Variants in PAX1 observed in about 807,000 individuals in gnomAD.
The protein encoded by PAX1 is paired box 1.
In PAX1, 18 loss-of-function variants were observed where a neutral mutation model predicts 35.6. The ratio of observed to expected loss-of-function variants is 0.50; its 90% CI spans 0.35 to 0.75. The LOEUF is 0.75. Among genes scored for constraint, PAX1 ranks in the 30% least tolerant of loss-of-function variants. The pLI is 0.01. For synonymous variants in PAX1, 397 were observed against 305.2 expected (o/e 1.30, Z -3.14); for missense variants, 760 against 661.5 (o/e 1.15, Z -1.63).
At chr20:21,714,331 G>T in intron 4 of PAX1, 140 bp from the exon 5 acceptor site, 1 of 628,854 alleles carries the variant, frequency 1.6e-6, no homozygotes, top group South Asian at 2.0e-5. Flanking sequence ...TCTGGAGAGC[G>T]CGAGTCTCTG....
Position 21,708,579 on chromosome 20 carries a change from G to T in PAX1, c.938G>T (p.Gly313Val), listed in dbSNP as rs1192487014. Reference sequence around the variant, plus strand: ...GCAGGGGCCCTGGCTGGGAGCGAAGGCACCGCTTACTCTCCCAAGATGGAA... The same window carrying T: ...GCAGGGGCCCTGGCTGGGAGCGAAGTCACCGCTTACTCTCCCAAGATGGAA... Reference protein sequence around the residue: ...EQTGALAGSEGTAYSPKMEDW... With the variant: ...EQTGALAGSEVTAYSPKMEDW... Residue 313 changes from glycine to valine, a missense_variant, in exon 3 of 5, where the codon GGC becomes GTC. By Grantham distance (109) the Gly-to-Val change is moderately radical. Transcript: ENST00000613128. 1 of 1,613,806 alleles carries T rather than the reference G, an allele frequency of 6.2e-7. No individual in the cohort carries two copies. Among genetic ancestry groups the T allele is most frequent in the Non-Finnish European group, 8.5e-7 (1 of 1,180,038 alleles).
chr20:21,707,302 C>T (rs757834428), intron 2 of PAX1, among the ~76,000 whole-genome samples: 36 of 152,142 alleles, frequency 2.4e-4, no homozygotes, highest in Non-Finnish European at 4.6e-4. Context: ...CAATCGCCGA[C>T]CACAAATTTG....
chr20:21,709,574 TG>T lies in PAX1; in HGVS notation c.1282+133del, dbSNP rs1016383332. 4.5e-6 allele frequency: 3 copies of T among 672,580 alleles called. No homozygotes were observed. In the African/African-American group the frequency reaches 5.5e-5, roughly 12 times the overall value. 41.7% of individuals were successfully genotyped at this position (672,580 alleles called of 1,614,324 possible). On this transcript the variant is annotated intron_variant, in intron 4 of 4. Coordinates refer to ENST00000613128, the MANE Select transcript of PAX1 (RefSeq NM_001257096.2). ...GGGTCCTGGGCATGAACCCTTCTTC[TG>T]GGTTAACCTTTGAGCATGTAGCTTC...
chr20:21,709,383 C>T lies in PAX1; in HGVS notation c.1221C>T (p.Gly407=). ...CTCCTCTGGCGCCCCCCGGGGCCGG[C>T]GTAGCTGTGCATGGCGGGGAACTCG... The part of the protein sequence containing the change: ...QGPPLAPPGA[G]VAVHGGELAA... Residue 407 remains glycine (G), a synonymous_variant, in exon 4 of 5, where the codon GGC becomes GGT. Coordinates refer to ENST00000613128, the MANE Select transcript of PAX1 (RefSeq NM_001257096.2). The T allele has an allele frequency of 1.3e-6, 2 of 1,561,854 alleles. No individual in the cohort carries two copies. Among genetic ancestry groups the T allele is most frequent in the South Asian group, 1.2e-5 (1 of 86,526 alleles).
Position 21,714,649 on chromosome 20 carries a change from C to G in PAX1, c.*87C>G. The G allele has an allele frequency of 6.3e-7, 1 of 1,592,250 alleles. No individual in the cohort carries two copies. The highest frequency in any genetic ancestry group is 8.5e-7 in the Non-Finnish European group (1 of 1,172,230). ...TGCGCGGCGGCCCCGGCAATCGGCA[C>G]GGGCAGGATCGGAGGACTCGCGGAG... On this transcript the variant is annotated 3_prime_UTR_variant, in exon 5 of 5. Transcript: ENST00000613128.
intron 4 of PAX1, among the ~76,000 whole-genome samples, chr20:21,712,863 TG>T (rs901101104): frequency 9.2e-5 from 14 of 152,038 alleles, no homozygotes; most frequent in Non-Finnish European, 1.6e-4. Flanking sequence ...CCCTCAGCGG[TG>T]GTCTCAGAGT....
intron 4 of PAX1, among the ~76,000 whole-genome samples, chr20:21,713,380 TTTTG>T (rs1202574008): frequency 2.6e-4 from 36 of 135,878 alleles, no homozygotes; most frequent in South Asian, 7.6e-4. Flanking sequence ...TTTCTTTTTT[TTTTG>T]TGTGTGTGTG....
In PAX1 at chr20:21,716,108, T is replaced by C. The variant is rs1287355333; in HGVS notation, c.*1546T>C. ...AAATTATGCAGAAACCACCTTGAAATGCAGTTAATTCTGAAAAGAGTAAAA... is the reference window on the plus strand; with the variant it reads ...AAATTATGCAGAAACCACCTTGAAACGCAGTTAATTCTGAAAAGAGTAAAA... On this transcript the variant is annotated 3_prime_UTR_variant, in exon 5 of 5. Coordinates refer to ENST00000613128, the MANE Select transcript of PAX1 (RefSeq NM_001257096.2). The C allele has an allele frequency of 6.6e-6, 1 of 152,182 alleles. No individual in the cohort carries two copies. The highest frequency in any genetic ancestry group is 1.5e-5 in the Non-Finnish European group (1 of 68,048). 9.4% of individuals were successfully genotyped at this position (152,182 alleles called of 1,614,324 possible).
Position 21,706,590 on chromosome 20 carries a change from G to A in PAX1, c.439G>A (p.Val147Met). The A allele has an allele frequency of 6.2e-7, 1 of 1,612,218 alleles. No individual in the cohort carries two copies. The highest frequency in any genetic ancestry group is 8.5e-7 in the Non-Finnish European group (1 of 1,180,014). Residue 147 changes from valine to methionine, a missense_variant, in exon 2 of 5, where the codon GTG (valine) becomes ATG (methionine). Val to Met is a conservative substitution (Grantham distance 21). Transcript: ENST00000613128. The surrounding 1 kb of genome is among the most constrained non-coding windows in gnomAD (Gnocchi z 5.3). ...SRQLRVSHGCVSKILARYNET... is the reference protein window; with the variant it reads ...SRQLRVSHGCMSKILARYNET... The stretch of plus-strand genomic sequence containing the variant: ...GCAGCTCCGCGTATCCCACGGCTGC[G>A]TGAGCAAGATCCTGGCGCGCTACAA...
In PAX1 at chr20:21,714,970, T is replaced by C; in HGVS notation, c.*408T>C. 1 of 702,176 alleles carries C rather than the reference T, an allele frequency of 1.4e-6. No homozygotes were observed. Among genetic ancestry groups the C allele is most frequent in the South Asian group, 1.6e-5 (1 of 62,462 alleles). 43.5% of individuals were successfully genotyped at this position (702,176 alleles called of 1,614,324 possible). On this transcript the variant is annotated 3_prime_UTR_variant, in exon 5 of 5. Transcript: ENST00000613128. ...TCCCTCCCTTCCCTTTCTCTTTCCC[T>C]TCCTCCCTACCTTCCACCCCGGCTT...
Position 21,707,021 on chromosome 20 carries a change from C to G in PAX1, c.870C>G (p.His290Gln), listed in dbSNP as rs756655133. Residue 290 changes from histidine (H) to glutamine (Q), a missense_variant, in exon 2 of 5, where the codon CAC becomes CAG. Transcript: ENST00000613128. The part of the protein sequence containing the change: ...VSIPRSWPSA[H>Q]SVSNILGIRT... ...TCCCGCGCTCATGGCCCTCGGCACA[C>G]TCGGTCAGCAACATCCTGGGCATCC... The G allele has an allele frequency of 1.7e-5, 27 of 1,612,980 alleles. No individual in the cohort carries two copies. The highest frequency in any genetic ancestry group is 2.0e-5 in the Non-Finnish European group (24 of 1,180,028).
intron 3 of PAX1, among the ~76,000 whole-genome samples, chr20:21,708,993 T>C (rs1250701421): frequency 1.3e-5 from 2 of 152,160 alleles, no homozygotes; most frequent in African/African-American, 4.8e-5. Context: ...CCGATATGAA[T>C]ACCATGACCC....
intron 4 of PAX1, among the ~76,000 whole-genome samples, chr20:21,711,708 G>A (rs1985203222): frequency 6.6e-6 from 1 of 152,174 alleles, no homozygotes; most frequent in African/African-American, 2.4e-5. Flanking sequence ...TGTTCGAACA[G>A]GAATGTAGAA....
Position 21,714,864 on chromosome 20 carries a change from A to T in PAX1, c.*302A>T, listed in dbSNP as rs1360635640. 1 of 1,418,812 alleles carries T rather than the reference A, an allele frequency of 7.0e-7. No individual in the cohort carries two copies. Among genetic ancestry groups the T allele is most frequent in the Admixed American group, 1.7e-5 (1 of 57,936 alleles). 87.9% of individuals were successfully genotyped at this position (1,418,812 alleles called of 1,614,324 possible). A position where few individuals can be genotyped will look rare whatever the true frequency, so the allele number is the denominator to read the frequency against. ...TGGCCTCCTTCGCTCTGCCAGCTTCAAATTTCTTTTTTGTCACTCCCTTGT... is the reference window on the plus strand; with the variant it reads ...TGGCCTCCTTCGCTCTGCCAGCTTCTAATTTCTTTTTTGTCACTCCCTTGT... On this transcript the variant is annotated 3_prime_UTR_variant, in exon 5 of 5. Transcript: ENST00000613128.
intron 4 of PAX1, among the ~76,000 whole-genome samples, chr20:21,713,488 G>A (rs1985265597): frequency 6.6e-6 from 1 of 151,464 alleles, no homozygotes. Context: ...GGAAGCTGCA[G>A]GAGAAAAAAA....
At chr20:21,709,590 C>A in intron 4 of PAX1, 146 bp downstream of exon 4, 1 of 638,358 alleles carries the variant, frequency 1.6e-6, no homozygotes, top group Non-Finnish European at 2.6e-6. Flanking sequence ...AACCTTTGAG[C>A]ATGTAGCTTC....
intron 4 of PAX1, among the ~76,000 whole-genome samples, chr20:21,711,416 C>A (rs1420442677): frequency 5.3e-5 from 8 of 152,192 alleles, no homozygotes; most frequent in Non-Finnish European, 1.0e-4. Context: ...TAACATTAAG[C>A]CTCACTGGTG....
At chr20:21,708,381 G>T (rs1985082547) in intron 2 of PAX1, 177 bp from the exon 3 acceptor site, 2 of 795,130 alleles carry the variant, frequency 2.5e-6, no homozygotes, top group African/African-American at 1.7e-5. Flanking sequence ...CCTTTCCTCC[G>T]CCCCACCCGG....
At position 21,714,797 on chromosome 20, in the gene PAX1, G is replaced by A; in HGVS notation, c.*235G>A. On this transcript the variant is annotated 3_prime_UTR_variant, in exon 5 of 5. Transcript: ENST00000613128. ...GGTTTTTAGGCTTCTCTGAACTTGG[G>A]TTTTAGACTGCCGTACCCTCCTCAC... is the stretch of plus-strand genomic sequence containing the variant. 1.3e-6 allele frequency: 2 copies of A among 1,599,652 alleles called. No homozygotes were observed. The highest frequency in any genetic ancestry group is 1.7e-6 in the Non-Finnish European group (2 of 1,179,508).
Sources: gnomAD v4.1 joint callset for allele counts (sites outside exome capture counted in the v4.1 genomes callset) on GRCh38, gnomAD v4.1.1 for gene constraint, Gnocchi (gnomAD v3.1) non-coding constraint, MANE v1.5 for transcripts, NCBI Gene and HGNC (gene_info 2026-07-23, HGNC 2026-07-21) for gene names.